The following MYH16 variants were observed in gnomAD, a reference collection of about 807,000 sequenced individuals.
MYH16 encodes myosin heavy chain 16.
At chr7:99,280,877 C>A in exon 23 of MYH16, 1 of 361,960 alleles carries the variant, frequency 2.8e-6, no homozygotes, top group Non-Finnish European at 5.5e-6. Flanking sequence ...GGTTTCTAGG[C>A]CCTGGATCAC....
At chr7:99,291,202 G>C (rs1406333320) in intron 30 of MYH16, 121 bp from the exon 12 acceptor site, 4 of 375,914 alleles carry the variant, frequency 1.1e-5, no homozygotes, top group Admixed American at 9.9e-5. Flanking sequence ...CCCCATTCCA[G>C]CTCCATTGGC....
At chr7:99,257,935 C>T (rs552378812) in intron 10 of MYH16, among the ~76,000 whole-genome samples, 1 of 152,334 alleles carries the variant, frequency 6.6e-6, no homozygotes, top group Non-Finnish European at 1.5e-5. Context: ...GCATAAGCCA[C>T]TGTGCCCAGC....
chr7:99,299,208 T>A (rs1017615145), intron 36 of MYH16, among the ~76,000 whole-genome samples: 1 of 152,194 alleles, frequency 6.6e-6, no homozygotes, highest in Non-Finnish European at 1.5e-5. Flanking sequence ...ATCACACTAC[T>A]ACACCATCAC....
At chr7:99,307,432 G>T (rs73709634), downstream of MYH16, among the ~76,000 whole-genome samples, 16 of 152,126 alleles carry the variant, frequency 1.1e-4, no homozygotes, top group African/African-American at 3.9e-4. Flanking sequence ...ATATATAAAA[G>T]TTAAAATAGG....
intron 19 of MYH16, among the ~76,000 whole-genome samples, chr7:99,271,440 C>T (rs577453846): frequency 2.2e-4 from 34 of 152,194 alleles, no homozygotes; most frequent in Middle Eastern, 3.4e-3. Flanking sequence ...ATCCGGGAGG[C>T]GGAGGTTGCA....
intron 20 of MYH16, among the ~76,000 whole-genome samples, chr7:99,273,660 G>A (rs1792074394): frequency 6.6e-6 from 1 of 152,172 alleles, no homozygotes. Context: ...TTGGGAGGCT[G>A]AGGCAGGAGG....
At chr7:99,248,051 C>T (rs959547377) in intron 3 of MYH16, among the ~76,000 whole-genome samples, 7 of 152,208 alleles carry the variant, frequency 4.6e-5, no homozygotes, top group African/African-American at 1.7e-4. Context: ...GCTCAGTACT[C>T]TTAACCATTA....
In MYH16 at chr7:99,293,920, T is replaced by C. The variant is rs1332552018; in HGVS notation, n.4150-98T>C. ...TCGTTTCCAATGTTGACACCAGAGC[T>C]TAGTACCATGCCCACCACACTCTGA... On this transcript the variant is annotated intron_variant and non_coding_transcript_variant, in intron 32 of 41. Coordinates refer to ENST00000439784, the Ensembl canonical transcript of MYH16. The C allele has an allele frequency of 1.1e-5, 4 of 361,152 alleles. No individual in the cohort carries two copies. In the East Asian group the frequency reaches 3.0e-4, roughly 27 times the overall value. The allele number at this position is 361,152 out of a possible 1,614,324, so 22.4% of individuals were successfully genotyped here.
At chr7:99,268,987 G>T (rs1250360051) in intron 18 of MYH16, among the ~76,000 whole-genome samples, 2 of 152,146 alleles carry the variant, frequency 1.3e-5, no homozygotes, top group Non-Finnish European at 2.9e-5. Flanking sequence ...GGAAGCCTAG[G>T]TCCCCCAAAG....
At chr7:99,281,022 C>T (rs1261033644) in intron 23 of MYH16, 42 bp downstream of exon 5, 1 of 327,386 alleles carries the variant, frequency 3.1e-6, no homozygotes, top group Non-Finnish European at 6.1e-6. Context: ...GCAGCTAGAG[C>T]TTGGCACAAT....
At chr7:99,266,235 C>G (rs377536512) in intron 17 of MYH16, among the ~76,000 whole-genome samples, 26 of 152,350 alleles carry the variant, frequency 1.7e-4, no homozygotes, top group African/African-American at 5.3e-4. Context: ...GTTGCACTAA[C>G]TGCCCCCATA....
At chr7:99,248,941 TC>T (rs1584340823) in intron 3 of MYH16, 1 of 152,664 alleles carries the variant, frequency 6.6e-6, no homozygotes, top group Non-Finnish European at 1.5e-5. Context: ...ATGCCTAGTT[TC>T]TAAATGTTCC....
intron 15 of MYH16, chr7:99,264,985 G>C (rs1400213294): frequency 6.6e-6 from 1 of 152,632 alleles, no homozygotes; most frequent in Non-Finnish European, 1.5e-5. Flanking sequence ...ACCACATGTG[G>C]CTGAGTTTTA....
At chr7:99,246,863 C>A (rs1013877330) in intron 2 of MYH16, among the ~76,000 whole-genome samples, 23 of 152,096 alleles carry the variant, frequency 1.5e-4, no homozygotes, top group African/African-American at 5.6e-4. Context: ...TCCAGATGGA[C>A]CCCAACTTAC....
chr7:99,279,808 G>A (rs977663863), intron 22 of MYH16, 71 bp downstream of exon 4: 1 of 410,020 alleles, frequency 2.4e-6, no homozygotes, highest in African/African-American at 2.1e-5. Context: ...AAGCCCCTAT[G>A]GTGGCTACAC....
At chr7:99,278,182 A>C (rs2150819214) in intron 21 of MYH16, among the ~76,000 whole-genome samples, 1 of 152,052 alleles carries the variant, frequency 6.6e-6, no homozygotes, top group Middle Eastern at 3.4e-3. Flanking sequence ...GCCCCAAGTG[A>C]TCCTCCTATT....
intron 28 of MYH16, 181 bp from the exon 10 acceptor site, chr7:99,287,711 C>A: frequency 2.8e-6 from 1 of 351,878 alleles, no homozygotes; most frequent in South Asian, 2.1e-5. Context: ...TAACACACAA[C>A]ACCTCTAAAC....
chr7:99,287,281 C>T (rs1243078753), intron 28 of MYH16, among the ~76,000 whole-genome samples: 1 of 152,020 alleles, frequency 6.6e-6, no homozygotes. Context: ...GCCTGTACTC[C>T]CAGCACTTTG....
Position 99,245,620 on chromosome 7 carries a change from C to T in MYH16, n.355-1974C>T, listed in dbSNP as rs1169950685. On this transcript the variant is annotated intron_variant and non_coding_transcript_variant, in intron 2 of 41. Coordinates refer to ENST00000439784, the Ensembl canonical transcript of MYH16. ...TCACCTCATTGCAACCTCCGCTTCC[C>T]GGGTTCAAGGGATTCTCCTGCCTCA... Among the ~76,000 whole-genome samples, 6 of 152,102 alleles carry T rather than the reference C, an allele frequency of 3.9e-5. No homozygotes were observed. The South Asian group carries it at 6.2e-4, about 16-fold the overall frequency.
Sources: gnomAD v4.1 joint callset for allele counts (sites outside exome capture counted in the v4.1 genomes callset) on GRCh38, gnomAD v4.1.1 for gene constraint, MANE v1.5 for transcripts, NCBI Gene and HGNC (gene_info 2026-07-23, HGNC 2026-07-21) for gene names.